The following S100A7A variants were observed in gnomAD, a reference collection of about 807,000 sequenced individuals.
The protein encoded by S100A7A is S100 calcium binding protein A7A, also known as protein S100-A7A.
S100A7A carries 5 observed loss-of-function variants against 4.0 expected under a neutral mutation model. The observed-to-expected ratio is 1.26, with a 90% CI of 0.66 to 2.66. The LOEUF is 2.66. Ranked by LOEUF, S100A7A falls within the 30% of genes most tolerant of loss-of-function variation. The pLI, the probability that S100A7A is intolerant of heterozygous loss-of-function variation, is 0.01. For missense variants in S100A7A, 159 were observed against 125.1 expected (o/e 1.27, Z -1.29); for synonymous variants, 52 against 46.4 (o/e 1.12, Z -0.49).
rs550037426 is a variant in S100A7A, at chr1:153,416,524, A to G, written c.-57A>G. On this transcript the variant is annotated 5_prime_UTR_variant, in exon 1 of 3. Transcript: ENST00000368729. ...GACTGCTCTTTGTCCAAACACACAC[A>G]TCTCACTCATCCTTCTACTCGTGAC... 1.3e-4 allele frequency: 64 copies of G among 485,876 alleles called. No homozygotes were observed. Among genetic ancestry groups the G allele is most frequent in the African/African-American group, 1.2e-3 (58 of 50,178 alleles). The allele number at this position is 485,876 out of a possible 1,614,324, so 30.1% of individuals were successfully genotyped here.
intron 1 of S100A7A, among the ~76,000 whole-genome samples, chr1:153,417,542 T>G (rs1571183639): frequency 6.6e-6 from 1 of 152,312 alleles, no homozygotes; most frequent in South Asian, 2.1e-4. Flanking sequence ...ACCTGGAGCC[T>G]GCACGCACTG....
chr1:153,422,467 A>C lies in S100A7A; in HGVS notation c.*3158A>C, dbSNP rs1662922253. The stretch of plus-strand genomic sequence containing the variant: ...GAATAATTAATAGCTACTGGACATT[A>C]TATTGGTACTAAAGAGAAAGAATAC... On this transcript the variant is annotated 3_prime_UTR_variant, in exon 3 of 3. Coordinates refer to ENST00000368729, the MANE Select transcript of S100A7A (RefSeq NM_176823.4). 1.3e-5 allele frequency: 12 copies of C among 958,556 alleles called. No individual in the cohort carries two copies. Among genetic ancestry groups the C allele is most frequent in the Non-Finnish European group, 1.5e-5 (12 of 805,564 alleles). The allele number at this position is 958,556 out of a possible 1,614,324, so 59.4% of individuals were successfully genotyped here.
Position 153,418,082 on chromosome 1 carries a change from G to C in S100A7A, c.-1G>C, listed in dbSNP as rs750574641. The C allele has an allele frequency of 5.0e-6, 8 of 1,613,710 alleles. No homozygotes were observed. In the African/African-American group the frequency reaches 9.3e-5, roughly 19 times the overall value. On this transcript the variant is annotated 5_prime_UTR_variant, in exon 2 of 3. Coordinates refer to ENST00000368729, the MANE Select transcript of S100A7A (RefSeq NM_176823.4). Reference sequence around the variant, plus strand: ...TTCCTGAAGGCTTTTTGAAAGCAAAGATGAGCAACACTCAAGCTGAGAGGT... The same window carrying C: ...TTCCTGAAGGCTTTTTGAAAGCAAACATGAGCAACACTCAAGCTGAGAGGT...
intron 2 of S100A7A, 112 bp downstream of exon 2, chr1:153,418,335 C>G (rs1189315219): frequency 1.4e-6 from 2 of 1,437,492 alleles, no homozygotes; most frequent in African/African-American, 2.8e-5. Context: ...AAAAGTTTCC[C>G]ATTTGCAAAT....
intron 1 of S100A7A, 62 bp from the exon 2 acceptor site, chr1:153,418,004 A>G (rs193161427): frequency 1.3e-6 from 2 of 1,585,100 alleles, no homozygotes; most frequent in East Asian, 2.2e-5. Context: ...TCCTTCTAAC[A>G]CCCCCACATA....
In S100A7A at chr1:153,419,379, T is replaced by A; in HGVS notation, c.*70T>A. The A allele has an allele frequency of 1.3e-6, 2 of 1,483,762 alleles. No homozygotes were observed. Among genetic ancestry groups the A allele is most frequent in the Non-Finnish European group, 1.8e-6 (2 of 1,092,262 alleles). The allele number at this position is 1,483,762 out of a possible 1,614,324, so 91.9% of individuals were successfully genotyped here. On this transcript the variant is annotated 3_prime_UTR_variant, in exon 3 of 3. Coordinates refer to ENST00000368729, the MANE Select transcript of S100A7A (RefSeq NM_176823.4). ...TGTCTCCTCCCACCAGACACTTGCC[T>A]TATTTCTTCTTCTCTTTGGTGACCT... is the stretch of plus-strand genomic sequence containing the variant.
intron 1 of S100A7A, among the ~76,000 whole-genome samples, 179 bp downstream of exon 1, chr1:153,416,742 C>T (rs1333595980): frequency 6.6e-6 from 1 of 152,246 alleles, no homozygotes; most frequent in Admixed American, 6.5e-5. Flanking sequence ...TCTGTACAAC[C>T]AGGTGGCTGA....
chr1:153,419,645 C>G lies in S100A7A; in HGVS notation c.*336C>G, dbSNP rs1242545024. The G allele has an allele frequency of 1.6e-5, 5 of 316,312 alleles. No individual in the cohort carries two copies. Among genetic ancestry groups the G allele is most frequent in the Non-Finnish European group, 2.9e-5 (5 of 171,006 alleles). 19.6% of individuals were successfully genotyped at this position (316,312 alleles called of 1,614,324 possible). A position where few individuals can be genotyped will look rare whatever the true frequency, so the allele number is the denominator to read the frequency against. On this transcript the variant is annotated 3_prime_UTR_variant, in exon 3 of 3. Transcript: ENST00000368729. ...GCCCCTGCCAGGTCACAGCAATGCT[C>G]TCCTTGTCAAGGCATGGACCAGGGT...
In S100A7A at chr1:153,423,072, T is replaced by G. The variant is rs1269012743; in HGVS notation, c.*3763T>G. On this transcript the variant is annotated 3_prime_UTR_variant, in exon 3 of 3. Coordinates refer to ENST00000368729, the MANE Select transcript of S100A7A (RefSeq NM_176823.4). ...CTTATTGTTTTTGTAACTTGCATTT[T>G]ACAAGAGTTCTGACCAGCACCAGAT... 2 of 152,204 alleles carry G rather than the reference T, an allele frequency of 1.3e-5. No individual in the cohort carries two copies. Among genetic ancestry groups the G allele is most frequent in the Non-Finnish European group, 2.9e-5 (2 of 68,040 alleles). 9.4% of individuals were successfully genotyped at this position (152,204 alleles called of 1,614,324 possible).
chr1:153,417,897 C>T, intron 1 of S100A7A, 169 bp from the exon 2 acceptor site: 1 of 828,682 alleles, frequency 1.2e-6, no homozygotes, highest in Non-Finnish European at 1.8e-6. Flanking sequence ...AGACTTGGTC[C>T]TACCCTCTCA....
intron 1 of S100A7A, among the ~76,000 whole-genome samples, chr1:153,416,975 C>G (rs1662735066): frequency 1.3e-5 from 2 of 152,242 alleles, no homozygotes; most frequent in African/African-American, 4.8e-5. Context: ...GCTCTCCAAA[C>G]CCCCAGGCCT....
chr1:153,418,308 C>A (rs1414453078), intron 2 of S100A7A, 85 bp downstream of exon 2: 1 of 1,539,476 alleles, frequency 6.5e-7, no homozygotes, highest in Non-Finnish European at 8.8e-7. Context: ...GGACAGGTCA[C>A]CCTCATCCTC....
At chr1:153,418,862 T>G (rs1662812879) in intron 2 of S100A7A, among the ~76,000 whole-genome samples, 1 of 152,132 alleles carries the variant, frequency 6.6e-6, no homozygotes, top group Non-Finnish European at 1.5e-5. Context: ...AGATTGAGGC[T>G]GGGGCAGGGG....
rs748159636 is a variant in S100A7A, at chr1:153,419,692, T to C, written c.*383T>C. On this transcript the variant is annotated 3_prime_UTR_variant, in exon 3 of 3. Coordinates refer to ENST00000368729, the MANE Select transcript of S100A7A (RefSeq NM_176823.4). ...GGGTCATTCAGACACATTCAGATAC[T>C]GCACTGAGAAGGAGCTGGCATCTCT... is the stretch of plus-strand genomic sequence containing the variant. 6.3e-5 allele frequency: 12 copies of C among 189,934 alleles called. No homozygotes were observed. Among genetic ancestry groups the C allele is most frequent in the Non-Finnish European group, 1.3e-4 (12 of 92,846 alleles). 11.8% of individuals were successfully genotyped at this position (189,934 alleles called of 1,614,324 possible).
chr1:153,418,998 C>T (rs757464881), intron 2 of S100A7A, 147 bp from the exon 3 acceptor site: 5 of 809,044 alleles, frequency 6.2e-6, no homozygotes, highest in Non-Finnish European at 7.9e-6. Flanking sequence ...ACCCCAACTT[C>T]ACCCACTCAC....
intron 1 of S100A7A, chr1:153,417,840 A>T (rs1662766914): frequency 2.0e-6 from 1 of 496,740 alleles, no homozygotes; most frequent in Non-Finnish European, 3.6e-6. Context: ...GACTTCTGCC[A>T]TCCACCTGCA....
In S100A7A at chr1:153,419,614, T is replaced by C; in HGVS notation, c.*305T>C. ...TTGGCAGGTTCCAGGTGGAAGTTGG[T>C]AGAAGGCCCCTGCCAGGTCACAGCA... On this transcript the variant is annotated 3_prime_UTR_variant, in exon 3 of 3. Transcript: ENST00000368729. 1 of 388,024 alleles carries C rather than the reference T, an allele frequency of 2.6e-6. No individual in the cohort carries two copies. The highest frequency in any genetic ancestry group is 4.7e-6 in the Non-Finnish European group (1 of 214,820). 24.0% of individuals were successfully genotyped at this position (388,024 alleles called of 1,614,324 possible). A position where few individuals can be genotyped will look rare whatever the true frequency, so the allele number is the denominator to read the frequency against.
chr1:153,417,396 A>G (rs1048371303), intron 1 of S100A7A: 3 of 152,404 alleles, frequency 2.0e-5, no homozygotes, highest in African/African-American at 7.2e-5. Flanking sequence ...GCAGCTTAAG[A>G]ACCAGGGAGT....
chr1:153,420,833 A>C lies in S100A7A; in HGVS notation c.*1524A>C, dbSNP rs1404612174. ...CAGCCCCCTGCTGCCTTCTCTATGCAGCCTGCCCTCCATCATCCACCCCAG... is the reference window on the plus strand; with the variant it reads ...CAGCCCCCTGCTGCCTTCTCTATGCCGCCTGCCCTCCATCATCCACCCCAG... On this transcript the variant is annotated 3_prime_UTR_variant, in exon 3 of 3. Transcript: ENST00000368729. 1.3e-5 allele frequency: 2 copies of C among 150,752 alleles called. No individual in the cohort carries two copies. Among genetic ancestry groups the C allele is most frequent in the Non-Finnish European group, 2.9e-5 (2 of 68,066 alleles). The allele number at this position is 150,752 out of a possible 1,614,324, so 9.3% of individuals were successfully genotyped here. A position where few individuals can be genotyped will look rare whatever the true frequency, so the allele number is the denominator to read the frequency against.
Sources: allele counts gnomAD v4.1 joint callset (sites outside exome capture counted in the v4.1 genomes callset), GRCh38; gene constraint gnomAD v4.1.1; transcripts MANE v1.5; gene names NCBI Gene and HGNC (gene_info 2026-07-23, HGNC 2026-07-21).